The following CCDC12 variants were observed in gnomAD, a reference collection of about 807,000 sequenced individuals.
The protein encoded by CCDC12 is coiled-coil domain-containing protein 12.
CCDC12 carries 28 observed loss-of-function variants against 25.7 expected under a neutral mutation model. That is an observed-to-expected ratio of 1.09 (90% CI 0.81 to 1.50). The LOEUF is 1.50. Among genes scored for constraint, CCDC12 ranks in the 40% most tolerant of loss-of-function variants. The pLI, the probability that CCDC12 is intolerant of heterozygous loss-of-function variation, is 0.00. For missense variants in CCDC12, 198 were observed against 210.0 expected (o/e 0.94, Z 0.35); for synonymous variants, 75 against 87.7 (o/e 0.86, Z 0.81).
chr3:46,951,506 C>A (rs917246463), intron 1 of CCDC12, among the ~76,000 whole-genome samples: 1 of 151,242 alleles, frequency 6.6e-6, no homozygotes, highest in African/African-American at 2.4e-5. Flanking sequence ...TAGGGCTGGG[C>A]ACGGTGGCTC....
At chr3:46,976,160 G>T (rs1003841598) in intron 1 of CCDC12, 2 of 295,842 alleles carry the variant, frequency 6.8e-6, no homozygotes, top group Non-Finnish European at 1.0e-5. Context: ...TTTGATTTTT[G>T]CACGAAACGA....
chr3:46,948,865 G>A (rs928124321), intron 1 of CCDC12, among the ~76,000 whole-genome samples: 2 of 152,316 alleles, frequency 1.3e-5, no homozygotes, highest in South Asian at 2.1e-4. Flanking sequence ...AAGTGCTCAA[G>A]GGAGGCACTA....
chr3:46,950,685 T>C (rs1013833842), intron 1 of CCDC12, among the ~76,000 whole-genome samples: 9 of 152,212 alleles, frequency 5.9e-5, no homozygotes, highest in Non-Finnish European at 1.2e-4. Flanking sequence ...TGCTACATTT[T>C]TTTGGCTAAG....
rs148185783 is a variant in CCDC12, at chr3:46,971,976, A to G, written c.96+4661T>C. Reference sequence around the variant, plus strand: ...ACTTCCTCACCAGACTCCCCACTTAAAAGGTCCAGCAGAAAGGGCCACAGG... The same window carrying G: ...ACTTCCTCACCAGACTCCCCACTTAGAAGGTCCAGCAGAAAGGGCCACAGG... On this transcript the variant is annotated intron_variant, in intron 1 of 6. Transcript: ENST00000683445. Among the ~76,000 whole-genome samples the G allele has an allele frequency of 9.2e-5, 14 of 152,310 alleles. No homozygotes were observed. In the East Asian group the frequency reaches 2.5e-3, roughly 27 times the overall value.
At chr3:46,964,507 A>C (rs1056667026) in intron 1 of CCDC12, among the ~76,000 whole-genome samples, 1 of 152,252 alleles carries the variant, frequency 6.6e-6, no homozygotes, top group African/African-American at 2.4e-5. Flanking sequence ...TGAGGAACAG[A>C]AAAGGGGGAA....
At chr3:46,951,790 A>ATAT (rs1370486538) in intron 1 of CCDC12, among the ~76,000 whole-genome samples, 56 of 21,774 alleles carry the variant, frequency 2.6e-3, no homozygotes, top group South Asian at 0.023. Context: ...AAAAAAAAAA[A>ATAT]AAAAAAAAAT....
chr3:46,940,769 G>A (rs1025033943), intron 2 of CCDC12: 2 of 571,796 alleles, frequency 3.5e-6, no homozygotes, highest in East Asian at 5.6e-5. Flanking sequence ...AGAAAATGCT[G>A]GGGGCTGAGT....
intron 2 of CCDC12, among the ~76,000 whole-genome samples, chr3:46,930,835 C>T (rs2033177363): frequency 6.6e-6 from 1 of 152,164 alleles, no homozygotes. Context: ...TTCTCCTGGG[C>T]CCCCTTTGCC....
chr3:46,960,767 T>G (rs956357196), intron 1 of CCDC12, among the ~76,000 whole-genome samples: 1 of 152,232 alleles, frequency 6.6e-6, no homozygotes, highest in African/African-American at 2.4e-5. Flanking sequence ...AAGCTCGCTA[T>G]GGGGTCTCCC....
At chr3:46,979,910 C>T, upstream of CCDC12, 1 of 416,280 alleles carries the variant, frequency 2.4e-6, no homozygotes, top group Non-Finnish European at 4.3e-6. Context: ...CTACTACGCG[C>T]AGGTGAGCCC....
intron 1 of CCDC12, among the ~76,000 whole-genome samples, chr3:46,962,570 G>A (rs1367779982): frequency 6.6e-6 from 1 of 151,708 alleles, no homozygotes; most frequent in Non-Finnish European, 1.5e-5. Context: ...AGGAAAAACA[G>A]GCAACTGAAT....
rs377341491 is a variant in CCDC12 at position 46,957,624 on chromosome 3, A to C, written c.97-16559T>G. Among the ~76,000 whole-genome samples the C allele has an allele frequency of 9.4e-4, 143 of 152,250 alleles. No individual in the cohort carries two copies. In the South Asian group the frequency reaches 0.027, roughly 29 times the overall value. On this transcript the variant is annotated intron_variant, in intron 1 of 6. Coordinates refer to ENST00000683445, the MANE Select transcript of CCDC12 (RefSeq NM_001277074.2). Reference sequence around the variant, plus strand: ...ACGCAGGCCTCCGTTACGTTTCAGTACTGACTGAGTAGCTAGGTTAAATAT... The same window carrying C: ...ACGCAGGCCTCCGTTACGTTTCAGTCCTGACTGAGTAGCTAGGTTAAATAT...
chr3:46,961,136 G>A (rs2034450707), intron 1 of CCDC12, among the ~76,000 whole-genome samples: 3 of 152,026 alleles, frequency 2.0e-5, no homozygotes, highest in African/African-American at 7.3e-5. Flanking sequence ...GGCTGGGTGT[G>A]GAGAGTACAT....
chr3:46,948,160 G>C (rs2033976287), intron 1 of CCDC12, among the ~76,000 whole-genome samples: 1 of 152,226 alleles, frequency 6.6e-6, no homozygotes, highest in Non-Finnish European at 1.5e-5. Flanking sequence ...GACATTAGGA[G>C]ATGACGTCAG....
At chr3:46,973,957 G>A (rs998375386) in intron 1 of CCDC12, among the ~76,000 whole-genome samples, 2 of 152,164 alleles carry the variant, frequency 1.3e-5, no homozygotes, top group South Asian at 2.1e-4. Context: ...CAGGCAAAAC[G>A]TAGAAGCAAC....
chr3:46,923,213 A>G (rs2032763139), intron 5 of CCDC12, 116 bp downstream of exon 5: 2 of 1,066,540 alleles, frequency 1.9e-6, no homozygotes, highest in African/African-American at 3.3e-5. Flanking sequence ...GTGTAACTCT[A>G]TGTCTGTACT....
intron 1 of CCDC12, among the ~76,000 whole-genome samples, chr3:46,969,443 T>C (rs968366055): frequency 5.9e-5 from 9 of 152,214 alleles, no homozygotes; most frequent in South Asian, 2.1e-4. Context: ...ATGTTGCCCA[T>C]GCTGGTCTTG....
chr3:46,953,776 T>G (rs2034201982), intron 1 of CCDC12, among the ~76,000 whole-genome samples: 1 of 152,118 alleles, frequency 6.6e-6, no homozygotes, highest in African/African-American at 2.4e-5. Context: ...AATTGTAGAC[T>G]AAGCCCTCTT....
intron 1 of CCDC12, among the ~76,000 whole-genome samples, chr3:46,943,666 G>A (rs2033801294): frequency 6.6e-6 from 1 of 152,220 alleles, no homozygotes. Flanking sequence ...GAGCCCCAGA[G>A]ACATTCAAGT....
Sources: gnomAD v4.1 joint callset for allele counts (sites outside exome capture counted in the v4.1 genomes callset) on GRCh38, gnomAD v4.1.1 for gene constraint, MANE v1.5 for transcripts, NCBI Gene and HGNC (gene_info 2026-07-23, HGNC 2026-07-21) for gene names.